Variants in PAICS observed in about 807,000 individuals in gnomAD.
PAICS encodes the protein phosphoribosylaminoimidazole carboxylase and phosphoribosylaminoimidazolesuccinocarboxamide synthase, also known as bifunctional phosphoribosylaminoimidazole carboxylase/phosphoribosylaminoimidazole succinocarboxamide synthetase.
Under a neutral mutation model 53.7 loss-of-function variants are expected in PAICS, and 33 were observed. The observed-to-expected ratio is 0.61, with a 90% CI of 0.47 to 0.82. The LOEUF is 0.82. Ranked by LOEUF, PAICS falls within the 40% of genes least tolerant of loss-of-function variation. PAICS has a pLI of 0.00. For missense variants in PAICS, 394 were observed against 494.1 expected (o/e 0.80, Z 1.92); for synonymous variants, 141 against 167.2 (o/e 0.84, Z 1.21).
chr4:56,461,075 C>T lies in PAICS; in HGVS notation c.*1537C>T, dbSNP rs1719492999. The T allele has an allele frequency of 1.3e-5, 2 of 152,146 alleles. No homozygotes were observed. Among genetic ancestry groups the T allele is most frequent in the African/African-American group, 2.4e-5 (1 of 41,402 alleles). The allele number at this position is 152,146 out of a possible 1,614,324, so 9.4% of individuals were successfully genotyped here. On this transcript the variant is annotated 3_prime_UTR_variant, in exon 9 of 9. Coordinates refer to ENST00000512576, the MANE Select transcript of PAICS (RefSeq NM_001079524.2). ...GTACCTTTAGTTCTCTGAAGGCCCA[C>T]GTTTTTATCATTAAGACCTATTTGT...
At chr4:56,421,518 G>A in the PAICS span, 1 of 152,170 alleles carries the variant, frequency 6.6e-6, no homozygotes, top group Non-Finnish European at 1.5e-5. Flanking sequence ...TCCAAAATTG[G>A]GGGGTGTGGA....
chr4:56,456,561 A>G (rs1048570227), intron 8 of PAICS, among the ~76,000 whole-genome samples: 6 of 152,008 alleles, frequency 3.9e-5, no homozygotes, highest in Non-Finnish European at 5.9e-5. Flanking sequence ...GGCCCACACC[A>G]TCACACCTGG....
At chr4:56,426,015 C>T in the PAICS span, among the ~76,000 whole-genome samples, 1 of 152,154 alleles carries the variant, frequency 6.6e-6, no homozygotes, top group Non-Finnish European at 1.5e-5. Context: ...CAAATTCACC[C>T]AACTAAAGCG....
At chr4:56,453,184 T>C (rs1423008994) in intron 7 of PAICS, among the ~76,000 whole-genome samples, 1 of 152,196 alleles carries the variant, frequency 6.6e-6, no homozygotes, top group Non-Finnish European at 1.5e-5. Context: ...TGAAGACGTG[T>C]CCCTAAACCC....
chr4:56,411,669 A>C, the PAICS span, among the ~76,000 whole-genome samples: 1 of 152,238 alleles, frequency 6.6e-6, no homozygotes, highest in African/African-American at 2.4e-5. Context: ...TTATTCAAAA[A>C]TCTGTAATAC....
At chr4:56,435,840 G>C, upstream of PAICS, 3 of 1,498,460 alleles carry the variant, frequency 2.0e-6, no homozygotes, top group East Asian at 8.5e-5. Flanking sequence ...AGCGTAATGG[G>C]AGTAACGGAC....
chr4:56,429,038 A>T, the PAICS span: 12 of 648,024 alleles, frequency 1.9e-5, no homozygotes, highest in Non-Finnish European at 2.3e-5. Context: ...GTTCTTCCAC[A>T]CAGTGGAAAC....
the PAICS span, among the ~76,000 whole-genome samples, chr4:56,427,168 C>G: frequency 8.5e-5 from 13 of 152,210 alleles, no homozygotes; most frequent in Non-Finnish European, 1.2e-4. Flanking sequence ...CGGCTATTAT[C>G]AATAACTCTG....
chr4:56,416,433 A>C, the PAICS span: 1 of 679,006 alleles, frequency 1.5e-6, no homozygotes, highest in Non-Finnish European at 1.8e-6. Context: ...AGACCAATGG[A>C]ACTAGGTATA....
chr4:56,424,101 A>T, the PAICS span, among the ~76,000 whole-genome samples: 1 of 152,182 alleles, frequency 6.6e-6, no homozygotes, highest in South Asian at 2.1e-4. Flanking sequence ...TTGAAATTGG[A>T]GTTGCTATTA....
the PAICS span, among the ~76,000 whole-genome samples, chr4:56,417,000 C>A: frequency 6.6e-6 from 1 of 152,286 alleles, no homozygotes; most frequent in East Asian, 1.9e-4. Flanking sequence ...CAGGAGCGCA[C>A]CATCACGCCC....
intron 8 of PAICS, among the ~76,000 whole-genome samples, chr4:56,456,201 C>T (rs1407767593): frequency 1.3e-5 from 2 of 152,168 alleles, no homozygotes; most frequent in Admixed American, 6.5e-5. Context: ...AAGCGGTTCT[C>T]GTGCCTCAAC....
chr4:56,444,127 G>A (rs1404518981), intron 2 of PAICS, among the ~76,000 whole-genome samples: 2 of 151,968 alleles, frequency 1.3e-5, no homozygotes, highest in African/African-American at 4.8e-5. Context: ...TACAACCTGG[G>A]TTGTGTTCCA....
At chr4:56,416,803 G>C in the PAICS span, among the ~76,000 whole-genome samples, 1 of 152,206 alleles carries the variant, frequency 6.6e-6, no homozygotes, top group Admixed American at 6.5e-5. Flanking sequence ...CCAGGTCAAG[G>C]ATAATTTGAA....
Position 56,446,216 on chromosome 4 carries a change from G to T in PAICS, c.215-479G>T. 3 of 573,098 alleles carry T rather than the reference G, an allele frequency of 5.2e-6. No homozygotes were observed. The South Asian group carries it at 7.1e-5, about 14-fold the overall frequency. The allele number at this position is 573,098 out of a possible 1,614,324, so 35.5% of individuals were successfully genotyped here. On this transcript the variant is annotated intron_variant, in intron 2 of 8. Transcript: ENST00000512576. Reference sequence around the variant, plus strand: ...TGGCATTATGTGCATTCACAATGTTGTACATTCATCCCATTATCCATTTCC... The same window carrying T: ...TGGCATTATGTGCATTCACAATGTTTTACATTCATCCCATTATCCATTTCC...
chr4:56,426,271 G>A, the PAICS span, among the ~76,000 whole-genome samples: 9 of 151,956 alleles, frequency 5.9e-5, no homozygotes, highest in Admixed American at 2.6e-4. Flanking sequence ...CGTGGTGGCC[G>A]CGCACCTGTG....
chr4:56,451,838 A>T (rs769149702), intron 6 of PAICS, 34 bp from the exon 7 acceptor site: 1 of 1,385,658 alleles, frequency 7.2e-7, no homozygotes, highest in Non-Finnish European at 9.7e-7. Flanking sequence ...TTTTGTTTTT[A>T]TGTTCTTTTC....
At chr4:56,436,443 C>A (rs1428391867) in intron 1 of PAICS, 115 bp downstream of exon 1, 2 of 908,412 alleles carry the variant, frequency 2.2e-6, no homozygotes, top group Non-Finnish European at 3.6e-6. Flanking sequence ...CGCCTCTAGG[C>A]AGCCGCGCGG....
At chr4:56,437,021 TA>T (rs1301843282) in intron 1 of PAICS, among the ~76,000 whole-genome samples, 7 of 151,982 alleles carry the variant, frequency 4.6e-5, no homozygotes, top group South Asian at 4.2e-4. Context: ...AAAACCTGTC[TA>T]GGGGGCGTGT....
Sources: allele counts gnomAD v4.1 joint callset (sites outside exome capture counted in the v4.1 genomes callset), GRCh38; gene constraint gnomAD v4.1.1; transcripts MANE v1.5; gene names NCBI Gene and HGNC (gene_info 2026-07-23, HGNC 2026-07-21).